TMC5: variants seen among roughly 807,000 people sequenced by gnomAD.
TMC5 encodes transmembrane channel-like protein 5.
A neutral mutation model predicts 110.5 loss-of-function variants in TMC5; 86 were observed. That is an observed-to-expected ratio of 0.78 (90% confidence interval 0.65 to 0.93). The LOEUF is 0.93. Ranked by LOEUF, TMC5 falls within the 40% of genes least tolerant of loss-of-function variation. The pLI is 0.00. For missense variants in TMC5, 1,144 were observed against 1,222.8 expected, an observed-to-expected ratio of 0.94 and a Z score of 0.96; for synonymous variants, 455 against 439.5, an observed-to-expected ratio of 1.04 and a Z score of -0.44.
intron 15 of TMC5, among the ~76,000 whole-genome samples, chr16:19,486,386 T>C (rs373887759): frequency 1.3e-5 from 2 of 152,220 alleles, no homozygotes. Flanking sequence ...CTCTTCTTTT[T>C]TTGTTGTTGA....
At chr16:19,454,543 G>A (rs748960020) in intron 5 of TMC5, among the ~76,000 whole-genome samples, 6 of 152,140 alleles carry the variant, frequency 3.9e-5, no homozygotes, top group East Asian at 1.9e-4. Context: ...ACTTCATAGC[G>A]TAAATGTTGT....
chr16:19,463,512 C>A, intron 7 of TMC5, 145 bp downstream of exon 7: 1 of 849,926 alleles, frequency 1.2e-6, no homozygotes, highest in Non-Finnish European at 1.9e-6. Context: ...TGTGGAAAAG[C>A]GAGGTGGGCA....
chr16:19,492,014 C>T, intron 18 of TMC5, 136 bp from the exon 19 acceptor site: 1 of 709,086 alleles, frequency 1.4e-6, no homozygotes, highest in East Asian at 2.5e-5. Flanking sequence ...ATAACTCTCC[C>T]TGACATGACT....
At chr16:19,422,677 T>G (rs1282194549) in intron 1 of TMC5, among the ~76,000 whole-genome samples, 1 of 151,882 alleles carries the variant, frequency 6.6e-6, no homozygotes, top group East Asian at 1.9e-4. Flanking sequence ...AATTTAAAAA[T>G]AGGCCGGGCC....
At chr16:19,465,411 G>A (rs1968161681) in intron 8 of TMC5, among the ~76,000 whole-genome samples, 1 of 152,026 alleles carries the variant, frequency 6.6e-6, no homozygotes, top group Non-Finnish European at 1.5e-5. Context: ...GCAGAAGCCT[G>A]TAATCCCCAC....
upstream of TMC5, among the ~76,000 whole-genome samples, chr16:19,414,839 A>G (rs763964551): frequency 8.6e-5 from 13 of 151,910 alleles, no homozygotes; most frequent in Non-Finnish European, 1.8e-4. Context: ...TGAGGCCAGG[A>G]GTTCGAGACC....
At chr16:19,424,399 C>G (rs1483764389) in intron 1 of TMC5, among the ~76,000 whole-genome samples, 1 of 152,092 alleles carries the variant, frequency 6.6e-6, no homozygotes, top group Non-Finnish European at 1.5e-5. Context: ...GCCTGTAATC[C>G]CAGCCCTTTG....
rs530620693 is a variant in TMC5 at position 19,486,191 on chromosome 16, C to G, written c.2364-754C>G. Among the ~76,000 whole-genome samples, 10 of 152,216 alleles carry G rather than the reference C, an allele frequency of 6.6e-5. No homozygotes were observed. The South Asian group carries it at 1.7e-3, about 25-fold the overall frequency. ...CTCACACACTGAGTGCCTTAAACAA[C>G]ATCAATTTCATATCTTACAGTTCTG... On this transcript the variant is annotated intron_variant, in intron 15 of 21. Coordinates refer to ENST00000542583, the MANE Select transcript of TMC5 (RefSeq NM_001261841.2).
Position 19,487,023 on chromosome 16 carries a change from G to T in TMC5, c.2439+3G>T, listed in dbSNP as rs758526358. ...TCATCATGTTCTACTCCAAAAATGT[G>T]AGTCAGTCCGACATTGCCATCAATC... On this transcript the variant is annotated splice_donor_region_variant and intron_variant, in intron 16 of 21. Transcript: ENST00000542583. 16 of 1,613,692 alleles carry T rather than the reference G, an allele frequency of 9.9e-6. No individual in the cohort carries two copies. The highest frequency in any genetic ancestry group is 9.3e-6 in the Non-Finnish European group (11 of 1,179,924).
chr16:19,421,934 A>G (rs891887086), intron 1 of TMC5, among the ~76,000 whole-genome samples: 29 of 152,128 alleles, frequency 1.9e-4, no homozygotes, highest in African/African-American at 6.8e-4. Flanking sequence ...CATCTCTTAA[A>G]AAAGAGAGAG....
intron 13 of TMC5, among the ~76,000 whole-genome samples, chr16:19,477,924 T>A (rs1968528791): frequency 6.6e-6 from 1 of 152,226 alleles, no homozygotes. Flanking sequence ...ATCCTTGATG[T>A]TCTATTTTTC....
intron 9 of TMC5, among the ~76,000 whole-genome samples, chr16:19,466,590 G>A (rs1386488039): frequency 6.6e-6 from 1 of 152,160 alleles, no homozygotes; most frequent in Non-Finnish European, 1.5e-5. Flanking sequence ...GACCTCAGGT[G>A]GTCCACCCGC....
intron 1 of TMC5, among the ~76,000 whole-genome samples, chr16:19,420,448 T>A (rs892861007): frequency 2.6e-4 from 39 of 150,142 alleles, no homozygotes; most frequent in African/African-American, 9.6e-4. Flanking sequence ...TAAAAAAAAT[T>A]AAAAATCAAC....
intron 5 of TMC5, among the ~76,000 whole-genome samples, chr16:19,460,019 T>C (rs930618056): frequency 2.6e-5 from 4 of 151,812 alleles, no homozygotes; most frequent in Non-Finnish European, 4.4e-5. Flanking sequence ...AGAAAAACAC[T>C]GAATTGGAAT....
At chr16:19,434,394 TAATA>T (rs2143431380) in intron 2 of TMC5, among the ~76,000 whole-genome samples, 1 of 6,168 alleles carries the variant, frequency 1.6e-4, no homozygotes, top group African/African-American at 6.2e-4. Context: ...AATATAGATA[TAATA>T]TATATATCAT....
chr16:19,490,615 C>T (rs774231191), intron 18 of TMC5, 47 bp downstream of exon 18: 17 of 1,597,886 alleles, frequency 1.1e-5, no homozygotes, highest in African/African-American at 1.3e-5. Context: ...CAGGAGCTCT[C>T]GAGGGAAACA....
upstream of TMC5, among the ~76,000 whole-genome samples, chr16:19,416,213 G>A (rs1380396179): frequency 6.6e-6 from 1 of 151,570 alleles, no homozygotes; most frequent in Non-Finnish European, 1.5e-5. Context: ...AAGAGGAACG[G>A]TAACTATAGA....
chr16:19,445,242 G>A (rs1039321912), intron 4 of TMC5, among the ~76,000 whole-genome samples: 2 of 151,068 alleles, frequency 1.3e-5, no homozygotes, highest in African/African-American at 4.9e-5. Context: ...GCTCCAGGAG[G>A]CAAAGGAAAT....
intron 4 of TMC5, among the ~76,000 whole-genome samples, chr16:19,446,886 C>T (rs1414561119): frequency 6.6e-6 from 1 of 152,126 alleles, no homozygotes; most frequent in Non-Finnish European, 1.5e-5. Context: ...CCAGTGTCAC[C>T]CCATCCTGAT....
Sources: allele counts gnomAD v4.1 joint callset (sites outside exome capture counted in the v4.1 genomes callset), GRCh38; gene constraint gnomAD v4.1.1; transcripts MANE v1.5; gene names NCBI Gene and HGNC (gene_info 2026-07-23, HGNC 2026-07-21).